The following IMMP2L variants were observed in gnomAD, a reference collection of about 807,000 sequenced individuals.
IMMP2L encodes inner mitochondrial membrane peptidase subunit 2.
Under a neutral mutation model 19.3 loss-of-function variants are expected in IMMP2L, and 18 were observed. The ratio of observed to expected loss-of-function variants is 0.93; its 90% confidence interval spans 0.64 to 1.38. IMMP2L has a LOEUF of 1.38. Ranked by LOEUF, IMMP2L falls within the 40% of genes most tolerant of loss-of-function variation. IMMP2L has a pLI of 0.00. For synonymous variants in IMMP2L, 76 were observed against 73.0 expected, an observed-to-expected ratio of 1.04 and a Z score of -0.21; for missense variants, 233 against 218.2, an observed-to-expected ratio of 1.07 and a Z score of -0.43.
intron 3 of IMMP2L, among the ~76,000 whole-genome samples, chr7:111,134,334 G>A (rs1469506471): frequency 5.3e-5 from 8 of 151,804 alleles, no homozygotes; most frequent in Non-Finnish European, 8.8e-5. Flanking sequence ...CAATTGGAAC[G>A]TTGAACTCAA....
intron 3 of IMMP2L, among the ~76,000 whole-genome samples, chr7:111,466,209 A>T (rs192997112): frequency 6.6e-6 from 1 of 152,278 alleles, no homozygotes; most frequent in East Asian, 1.9e-4. Context: ...TAGCATTAGG[A>T]GATACACCTA....
intron 1 of IMMP2L, among the ~76,000 whole-genome samples, chr7:111,522,452 C>A (rs1194237179): frequency 6.6e-6 from 1 of 152,022 alleles, no homozygotes; most frequent in East Asian, 1.9e-4. Flanking sequence ...GGAACTCCAA[C>A]AATTCAATAG....
At chr7:110,826,479 C>A (rs1803498374) in intron 5 of IMMP2L, among the ~76,000 whole-genome samples, 1 of 152,138 alleles carries the variant, frequency 6.6e-6, no homozygotes, top group South Asian at 2.1e-4. Context: ...AAATGTGGCA[C>A]ATATACACCA....
chr7:110,814,980 C>G lies in IMMP2L; in HGVS notation c.408+71613G>C, dbSNP rs527837309. 3.3e-5 allele frequency among the ~76,000 whole-genome samples: 5 copies of G among 151,896 alleles called. No individual in the cohort carries two copies. The South Asian group carries it at 1.0e-3, about 31-fold the overall frequency. On this transcript the variant is annotated intron_variant, in intron 5 of 5. Coordinates refer to ENST00000405709, the MANE Select transcript of IMMP2L (RefSeq NM_032549.4). ...ATACAATTGATACAATAGCAAGCCTCGTAAAACCACACTGAACTACAACGT... is the reference window on the plus strand; with the variant it reads ...ATACAATTGATACAATAGCAAGCCTGGTAAAACCACACTGAACTACAACGT...
At chr7:110,666,273 T>C (rs964796798) in intron 5 of IMMP2L, among the ~76,000 whole-genome samples, 134 of 128,220 alleles carry the variant, frequency 1.0e-3, no homozygotes, top group African/African-American at 5.9e-3. Flanking sequence ...TCTTGTTTGT[T>C]TGTTTGTTTG....
At chr7:111,091,984 T>C (rs1456452174) in intron 3 of IMMP2L, among the ~76,000 whole-genome samples, 1 of 152,186 alleles carries the variant, frequency 6.6e-6, no homozygotes, top group Non-Finnish European at 1.5e-5. Flanking sequence ...TGTTTTGAAA[T>C]CAACCCACCA....
chr7:111,544,509 A>G (rs1848747825), intron 1 of IMMP2L, among the ~76,000 whole-genome samples: 1 of 152,212 alleles, frequency 6.6e-6, no homozygotes, highest in Admixed American at 6.5e-5. Context: ...TAAAACATCA[A>G]CAAAGCAACT....
chr7:111,171,072 T>C (rs1428292213), intron 3 of IMMP2L, among the ~76,000 whole-genome samples: 1 of 151,808 alleles, frequency 6.6e-6, no homozygotes, highest in African/African-American at 2.4e-5. Context: ...GGTTTACTTT[T>C]ACCTCTGAGA....
intron 4 of IMMP2L, among the ~76,000 whole-genome samples, chr7:110,940,214 GA>G (rs1324261073): frequency 6.6e-6 from 1 of 151,924 alleles, no homozygotes; most frequent in Non-Finnish European, 1.5e-5. Flanking sequence ...AGCTTATTGG[GA>G]GGGTGAGGCA....
chr7:111,124,091 T>C (rs767942584), intron 3 of IMMP2L: 12 of 1,614,038 alleles, frequency 7.4e-6, no homozygotes, highest in South Asian at 2.2e-5. Flanking sequence ...GGGAGCTATG[T>C]TTCCTTTCAC....
At chr7:111,111,942 G>GTTTTTTTTTTTTTTTTT (rs748410980) in intron 3 of IMMP2L, among the ~76,000 whole-genome samples, 2 of 84,110 alleles carry the variant, frequency 2.4e-5, no homozygotes, top group African/African-American at 5.0e-5. Context: ...TATATAGTTT[G>GTTTTTTTTTTTTTTTTT]TTTTTTTTTT....
chr7:111,218,287 C>A (rs1387075587), intron 3 of IMMP2L, among the ~76,000 whole-genome samples: 2 of 151,982 alleles, frequency 1.3e-5, no homozygotes, highest in Non-Finnish European at 2.9e-5. Flanking sequence ...CTGTGCACTT[C>A]CTTTTAAACT....
At chr7:111,111,738 A>C (rs1254130452) in intron 3 of IMMP2L, among the ~76,000 whole-genome samples, 1 of 151,922 alleles carries the variant, frequency 6.6e-6, no homozygotes, top group Non-Finnish European at 1.5e-5. Flanking sequence ...ATCTACATAA[A>C]GTAGTCCTAC....
intron 5 of IMMP2L, among the ~76,000 whole-genome samples, chr7:110,742,478 A>C (rs751008319): frequency 2.0e-5 from 3 of 152,160 alleles, no homozygotes; most frequent in Non-Finnish European, 4.4e-5. Context: ...TAAAAATTAT[A>C]CTTTCAACCG....
intron 5 of IMMP2L, among the ~76,000 whole-genome samples, chr7:110,843,854 T>C (rs979556233): frequency 6.6e-6 from 1 of 152,092 alleles, no homozygotes; most frequent in Admixed American, 6.5e-5. Flanking sequence ...AAGGAAGTGG[T>C]CCGTGTGTCG....
At position 110,876,375 on chromosome 7, in the gene IMMP2L, C is replaced by T. The variant is rs112693201; in HGVS notation, c.408+10218G>A. On this transcript the variant is annotated intron_variant, in intron 5 of 5. Transcript: ENST00000405709. ...AGTGTAACAGAATGGAACTTTGACA[C>T]TTTGATGGAATATTTGCCTATAAGC... 2.5e-4 allele frequency among the ~76,000 whole-genome samples: 38 copies of T among 152,192 alleles called. 1 individual carries two copies. Among genetic ancestry groups the T allele is most frequent in the African/African-American group, 9.1e-4 (38 of 41,538 alleles).
chr7:111,105,284 T>G (rs1179443900), intron 3 of IMMP2L, among the ~76,000 whole-genome samples: 1 of 151,896 alleles, frequency 6.6e-6, no homozygotes, highest in African/African-American at 2.4e-5. Context: ...GCAACAACCT[T>G]CTATGAATCT....
At chr7:110,979,326 G>A (rs1001875545) in intron 3 of IMMP2L, among the ~76,000 whole-genome samples, 1 of 151,818 alleles carries the variant, frequency 6.6e-6, no homozygotes, top group South Asian at 2.1e-4. Flanking sequence ...AATCCCCCTT[G>A]ATTCATTTAT....
chr7:111,164,067 A>G (rs764767390), intron 3 of IMMP2L, among the ~76,000 whole-genome samples: 1 of 148,856 alleles, frequency 6.7e-6, no homozygotes, highest in African/African-American at 2.5e-5. Context: ...ATAGTATGAC[A>G]ATAGTTATAA....
Sources: allele counts gnomAD v4.1 joint callset (sites outside exome capture counted in the v4.1 genomes callset), GRCh38; gene constraint gnomAD v4.1.1; transcripts MANE v1.5; gene names NCBI Gene and HGNC (gene_info 2026-07-23, HGNC 2026-07-21).